LRRC7: variants seen among roughly 807,000 people sequenced by gnomAD.
LRRC7 encodes leucine rich repeat containing 7.
Under a neutral mutation model 175.7 loss-of-function variants are expected in LRRC7, and 23 were observed. That is an observed-to-expected ratio of 0.13 (90% confidence interval 0.09 to 0.19). The LOEUF (loss-of-function observed/expected upper bound fraction) is 0.19, where lower values mean the gene tolerates loss of function less well. LRRC7 is among the 10% of genes least tolerant of loss of function. LRRC7 has a pLI of 1.00. For synonymous variants in LRRC7, 685 were observed against 680.9 expected, an observed-to-expected ratio of 1.01 and a Z score of -0.09; for missense variants, 1,354 against 1,904.7, an observed-to-expected ratio of 0.71 and a Z score of 5.38.
intron 3 of LRRC7, among the ~76,000 whole-genome samples, chr1:69,777,104 A>G (rs748473305): frequency 6.6e-6 from 1 of 152,132 alleles, no homozygotes. Context: ...AATATTAATG[A>G]TATTTCCTTC....
intron 8 of LRRC7, among the ~76,000 whole-genome samples, chr1:69,950,351 A>G (rs934070935): frequency 2.6e-5 from 4 of 152,160 alleles, no homozygotes; most frequent in African/African-American, 9.6e-5. Context: ...ATAACAACTC[A>G]TAGACATGAG....
intron 1 of LRRC7, among the ~76,000 whole-genome samples, chr1:69,585,408 T>C (rs1027084668): frequency 1.3e-5 from 2 of 152,172 alleles, no homozygotes; most frequent in Non-Finnish European, 2.9e-5. Flanking sequence ...GTTGAAGAGA[T>C]AGAGGAATCC....
In LRRC7 at chr1:69,662,617, C is replaced by A. The variant is rs1378761529; in HGVS notation, c.3-15764C>A. On this transcript the variant is annotated intron_variant, in intron 1 of 26. Transcript: ENST00000651989. The stretch of plus-strand genomic sequence containing the variant: ...TTTTAAGCAGTTTAGGTGTGGTTAA[C>A]ATGTGGTTTCTTTTCACACTAATCT... 2.0e-5 allele frequency among the ~76,000 whole-genome samples: 3 copies of A among 152,258 alleles called. No individual in the cohort carries two copies. In the East Asian group the frequency reaches 5.8e-4, roughly 29 times the overall value.
chr1:69,672,894 T>C (rs1208222730), intron 1 of LRRC7, among the ~76,000 whole-genome samples: 1 of 152,218 alleles, frequency 6.6e-6, no homozygotes, highest in Non-Finnish European at 1.5e-5. Flanking sequence ...TGTCGGTTCC[T>C]GTGAGTGACC....
At chr1:70,013,446 A>G (rs1014247776) in intron 13 of LRRC7, among the ~76,000 whole-genome samples, 21 of 151,900 alleles carry the variant, frequency 1.4e-4, no homozygotes, top group Admixed American at 7.9e-4. Flanking sequence ...CTATGTATGT[A>G]TGTATGCACA....
At chr1:70,026,878 C>T (rs721242) in intron 17 of LRRC7, among the ~76,000 whole-genome samples, 35,210 of 151,960 alleles carry the variant, frequency 0.23, 4,211 homozygotes, top group African/African-American at 0.28. Flanking sequence ...GACAAAATGT[C>T]GAGAAGAATA....
chr1:69,661,873 G>A (rs143026245), intron 1 of LRRC7, among the ~76,000 whole-genome samples: 81 of 152,244 alleles, frequency 5.3e-4, no homozygotes, highest in African/African-American at 1.9e-3. Flanking sequence ...AGGAAGGAAA[G>A]CATGCTTTTC....
intron 3 of LRRC7, among the ~76,000 whole-genome samples, chr1:69,768,499 A>G (rs1671870115): frequency 6.6e-6 from 1 of 152,168 alleles, no homozygotes; most frequent in African/African-American, 2.4e-5. Context: ...TGTGTCTCTA[A>G]GAGATATCTC....
intron 2 of LRRC7, chr1:69,716,115 T>A (rs1355729662): frequency 5.3e-5 from 22 of 417,806 alleles, no homozygotes; most frequent in Non-Finnish European, 8.8e-5. Flanking sequence ...TTAATTGAAA[T>A]TTTTTAAATT....
At chr1:70,078,060 G>A (rs893939809) in intron 24 of LRRC7, among the ~76,000 whole-genome samples, 1 of 152,152 alleles carries the variant, frequency 6.6e-6, no homozygotes, top group Non-Finnish European at 1.5e-5. Context: ...TTTCAAAATA[G>A]CTAGAAGTGA....
At chr1:69,640,283 C>T (rs1277746041) in intron 1 of LRRC7, among the ~76,000 whole-genome samples, 1 of 151,616 alleles carries the variant, frequency 6.6e-6, no homozygotes, top group Admixed American at 6.6e-5. Flanking sequence ...AATTGAAATC[C>T]TCTATTTACA....
intron 7 of LRRC7, among the ~76,000 whole-genome samples, chr1:69,896,251 A>G (rs547645647): frequency 1.1e-3 from 173 of 152,264 alleles, no homozygotes; most frequent in Middle Eastern, 0.01. Flanking sequence ...TCAAATCAGT[A>G]TAATTGAGAT....
rs1186314090 is a variant in LRRC7, at chr1:70,138,291, A to G, written c.*16404A>G. 2.0e-5 allele frequency: 3 copies of G among 152,068 alleles called. No individual in the cohort carries two copies. Among genetic ancestry groups the G allele is most frequent in the Admixed American group, 6.6e-5 (1 of 15,264 alleles). The allele number at this position is 152,068 out of a possible 1,614,324, so 9.4% of individuals were successfully genotyped here. A position where few individuals can be genotyped will look rare whatever the true frequency, so the allele number is the denominator to read the frequency against. On this transcript the variant is annotated 3_prime_UTR_variant, in exon 27 of 27. Coordinates refer to ENST00000651989, the MANE Select transcript of LRRC7 (RefSeq NM_001370785.2). ...TGGAGATCCAGGTTGAAAGGTATTG[A>G]AAAAAAAGCTCTGTATCTTTGTATA...
At chr1:70,074,283 A>T (rs570228193) in intron 23 of LRRC7, among the ~76,000 whole-genome samples, 1 of 152,282 alleles carries the variant, frequency 6.6e-6, no homozygotes, top group South Asian at 2.1e-4. Flanking sequence ...ACAAAAGAAC[A>T]CAATGCAACT....
intron 11 of LRRC7, among the ~76,000 whole-genome samples, chr1:69,998,303 C>G (rs954329844): frequency 6.6e-6 from 1 of 152,182 alleles, no homozygotes; most frequent in Non-Finnish European, 1.5e-5. Flanking sequence ...CCCTCATCAC[C>G]TGCCAAGTCA....
In LRRC7 at chr1:69,825,742, T is replaced by C. The variant is rs1371935429; in HGVS notation, c.422-6T>C. 1 of 1,588,108 alleles carries C rather than the reference T, an allele frequency of 6.3e-7. No homozygotes were observed. The highest frequency in any genetic ancestry group is 8.6e-7 in the Non-Finnish European group (1 of 1,162,214). On this transcript the variant is annotated splice_region_variant and splice_polypyrimidine_tract_variant and intron_variant, in intron 4 of 26. Transcript: ENST00000651989. ...TTTCATGTACTTTGTTTTTTTCACA[T>C]TTTAGGTGTACAAGAATTTCCAGAA... is the stretch of plus-strand genomic sequence containing the variant.
intron 7 of LRRC7, among the ~76,000 whole-genome samples, chr1:69,863,237 T>C (rs1684551313): frequency 6.6e-6 from 1 of 152,206 alleles, no homozygotes; most frequent in Non-Finnish European, 1.5e-5. Flanking sequence ...AAATCAAATG[T>C]CACTTACTGC....
At chr1:69,731,844 G>A (rs1667613489) in intron 2 of LRRC7, among the ~76,000 whole-genome samples, 1 of 152,124 alleles carries the variant, frequency 6.6e-6, no homozygotes, top group Non-Finnish European at 1.5e-5. Flanking sequence ...TATGAAATAG[G>A]AGCTACATTA....
chr1:69,936,297 A>C (rs1461786199), intron 8 of LRRC7, among the ~76,000 whole-genome samples: 1 of 152,178 alleles, frequency 6.6e-6, no homozygotes, highest in African/African-American at 2.4e-5. Context: ...ACTTGATTAC[A>C]ACGGCATTGA....
Sources: allele counts gnomAD v4.1 joint callset (sites outside exome capture counted in the v4.1 genomes callset), GRCh38; gene constraint gnomAD v4.1.1; transcripts MANE v1.5; gene names NCBI Gene and HGNC (gene_info 2026-07-23, HGNC 2026-07-21).